NR6A1: variants seen among roughly 807,000 people sequenced by gnomAD.
The protein encoded by NR6A1 is nuclear receptor subfamily 6 group A member 1.
Under a neutral mutation model 59.1 loss-of-function variants are expected in NR6A1, and 7 were observed. That is an observed-to-expected ratio of 0.12 (90% CI 0.07 to 0.22). NR6A1 has a LOEUF of 0.22. Among genes scored for constraint, NR6A1 ranks in the 10% least tolerant of loss-of-function variants. The probability of loss-of-function intolerance (pLI) is 1.00; values close to 1 mark genes in which losing one functional copy is unlikely to be tolerated. For synonymous variants in NR6A1, 243 were observed against 236.1 expected, an observed-to-expected ratio of 1.03 and a Z score of -0.27; for missense variants, 468 against 611.6, an observed-to-expected ratio of 0.77 and a Z score of 2.48.
At chr9:124,723,969 T>C (rs916497199) in intron 2 of NR6A1, among the ~76,000 whole-genome samples, 2 of 152,188 alleles carry the variant, frequency 1.3e-5, no homozygotes, top group Admixed American at 6.5e-5. Flanking sequence ...AAAAAATTTA[T>C]ACACAAACGT....
At chr9:124,599,322 G>A in intron 2 of NR6A1, 1 of 365,630 alleles carries the variant, frequency 2.7e-6, no homozygotes, top group South Asian at 2.3e-5. Flanking sequence ...GGGCGCCCGA[G>A]GCAGGAGAAC....
chr9:124,545,784 T>TA lies in NR6A1; in HGVS notation c.386-1928dup, dbSNP rs569460114. ...TTTTCATTTAAAGGGCCACATGTCT[T>TA]AAAGATTTACATCTTGCCAATCTCT... On this transcript the variant is annotated intron_variant, in intron 3 of 9. Transcript: ENST00000487099. Among the ~76,000 whole-genome samples the TA allele has an allele frequency of 1.1e-3, 175 of 152,344 alleles. 1 individual carries two copies. Among genetic ancestry groups the TA allele is most frequent in the African/African-American group, 3.8e-3 (159 of 41,578 alleles).
At chr9:124,635,778 C>T (rs1199603360) in intron 2 of NR6A1, among the ~76,000 whole-genome samples, 4 of 152,194 alleles carry the variant, frequency 2.6e-5, no homozygotes, top group Non-Finnish European at 5.9e-5. Flanking sequence ...TGAAGGATAT[C>T]TTGGTTGCTC....
intron 2 of NR6A1, among the ~76,000 whole-genome samples, chr9:124,611,627 T>TA (rs1347488071): frequency 6.6e-6 from 1 of 151,990 alleles, no homozygotes; most frequent in African/African-American, 2.4e-5. Context: ...CACATGCCTG[T>TA]AATCCTAGCT....
chr9:124,713,232 T>C (rs1360118029), intron 2 of NR6A1, among the ~76,000 whole-genome samples: 3 of 151,960 alleles, frequency 2.0e-5, no homozygotes, highest in African/African-American at 7.3e-5. Context: ...TTTACCTTTA[T>C]ACCATACACA....
intron 2 of NR6A1, among the ~76,000 whole-genome samples, chr9:124,617,460 T>C (rs922911082): frequency 7.2e-5 from 11 of 152,234 alleles, no homozygotes; most frequent in African/African-American, 2.7e-4. Flanking sequence ...GGTGTTATTA[T>C]TTGGCCACTA....
At chr9:124,593,053 AAT>A (rs1835173113) in intron 2 of NR6A1, among the ~76,000 whole-genome samples, 1 of 152,234 alleles carries the variant, frequency 6.6e-6, no homozygotes, top group South Asian at 2.1e-4. Context: ...TAGTGTTTTA[AAT>A]ATCACAATTT....
At chr9:124,678,855 C>A (rs1432197600) in intron 2 of NR6A1, among the ~76,000 whole-genome samples, 1 of 152,108 alleles carries the variant, frequency 6.6e-6, no homozygotes, top group African/African-American at 2.4e-5. Flanking sequence ...AGTAAGAAAG[C>A]CCCAAAAGGG....
intron 2 of NR6A1, among the ~76,000 whole-genome samples, chr9:124,648,707 TAA>T (rs769651566): frequency 7.4e-6 from 1 of 134,346 alleles, no homozygotes; most frequent in Non-Finnish European, 1.6e-5. Context: ...AAGATACTGC[TAA>T]AAAAAAAAAA....
chr9:124,697,133 A>T (rs976931904), intron 2 of NR6A1, among the ~76,000 whole-genome samples: 12 of 152,252 alleles, frequency 7.9e-5, no homozygotes, highest in Non-Finnish European at 8.8e-5. Context: ...GCAATTTCAC[A>T]ATGGAAGAAA....
At chr9:124,636,749 G>C (rs1342802915) in intron 2 of NR6A1, among the ~76,000 whole-genome samples, 8 of 152,064 alleles carry the variant, frequency 5.3e-5, no homozygotes, top group Admixed American at 5.2e-4. Flanking sequence ...CTAATTCTAG[G>C]CTGTCTATTC....
At chr9:124,660,067 T>C (rs1263893536) in intron 2 of NR6A1, among the ~76,000 whole-genome samples, 1 of 152,208 alleles carries the variant, frequency 6.6e-6, no homozygotes, top group Admixed American at 6.5e-5. Flanking sequence ...AGGGTTGTTT[T>C]CTTGAAAAAA....
chr9:124,736,108 G>A (rs555012021), intron 1 of NR6A1, among the ~76,000 whole-genome samples: 31 of 152,238 alleles, frequency 2.0e-4, no homozygotes, highest in African/African-American at 7.2e-4. Flanking sequence ...ACTCAAAAAC[G>A]GGACAAAAGT....
chr9:124,654,861 AT>A (rs535193335), intron 2 of NR6A1, among the ~76,000 whole-genome samples: 3,649 of 111,244 alleles, frequency 0.033, 114 homozygotes, highest in African/African-American at 0.096. Context: ...TTATACATAC[AT>A]TTTTTTTTTT....
chr9:124,561,945 T>A (rs1036523737), intron 2 of NR6A1, among the ~76,000 whole-genome samples: 5 of 152,000 alleles, frequency 3.3e-5, no homozygotes, highest in African/African-American at 1.2e-4. Context: ...ACAAAAAACT[T>A]AAAAAAATGT....
chr9:124,535,263 C>T lies in NR6A1; in HGVS notation c.1079+615G>A, dbSNP rs375588749. Among the ~76,000 whole-genome samples the T allele has an allele frequency of 5.9e-5, 9 of 151,944 alleles. No individual in the cohort carries two copies. The East Asian group carries it at 1.6e-3, about 26-fold the overall frequency. On this transcript the variant is annotated intron_variant, in intron 7 of 9. Transcript: ENST00000487099. ...TTTATATTTTTATTTTTCCTGGATGCGTTATCTCAGTAATCCAAGTATAAT... is the reference window on the plus strand; with the variant it reads ...TTTATATTTTTATTTTTCCTGGATGTGTTATCTCAGTAATCCAAGTATAAT...
chr9:124,715,865 A>G lies in NR6A1; in HGVS notation c.142+17443T>C, dbSNP rs926626438. 6.6e-5 allele frequency among the ~76,000 whole-genome samples: 10 copies of G among 152,244 alleles called. No individual in the cohort carries two copies. In the South Asian group the frequency reaches 2.1e-3, roughly 32 times the overall value. On this transcript the variant is annotated intron_variant, in intron 2 of 9. Transcript: ENST00000487099. ...TAAAAAGATTAATAGAAGGGAATAT[A>G]GGGTCTATAAATAGACTCACAATTA... is the stretch of plus-strand genomic sequence containing the variant.
intron 2 of NR6A1, among the ~76,000 whole-genome samples, chr9:124,655,653 A>G (rs1837236866): frequency 6.6e-6 from 1 of 152,198 alleles, no homozygotes; most frequent in Non-Finnish European, 1.5e-5. Flanking sequence ...TACTAGGAAT[A>G]TAGTATGTAT....
Position 124,678,291 on chromosome 9 carries a change from TA to T in NR6A1, c.142+55016del, listed in dbSNP as rs939558884. On this transcript the variant is annotated intron_variant, in intron 2 of 9. Coordinates refer to ENST00000487099, the MANE Select transcript of NR6A1 (RefSeq NM_033334.4). Reference sequence around the variant, plus strand: ...ATACATACAAATTAAAAGAGAACCCTAATCACCACTTTCTCTTGGAGTAACG... The same window carrying T: ...ATACATACAAATTAAAAGAGAACCCTATCACCACTTTCTCTTGGAGTAACG... 1.0e-3 allele frequency among the ~76,000 whole-genome samples: 159 copies of T among 152,352 alleles called. 1 individual carries two copies. Among genetic ancestry groups the T allele is most frequent in the African/African-American group, 3.7e-3 (155 of 41,590 alleles).
Sources: allele counts gnomAD v4.1 joint callset (sites outside exome capture counted in the v4.1 genomes callset), GRCh38; gene constraint gnomAD v4.1.1; transcripts MANE v1.5; gene names NCBI Gene and HGNC (gene_info 2026-07-23, HGNC 2026-07-21).